Variants in CFAP206 observed in about 807,000 individuals in gnomAD.
CFAP206 encodes the protein cilia- and flagella-associated protein 206.
A neutral mutation model predicts 65.4 loss-of-function variants in CFAP206; 53 were observed. The ratio of observed to expected loss-of-function variants is 0.81; its 90% CI spans 0.65 to 1.02. The LOEUF is 1.02. Among genes scored for constraint, CFAP206 ranks in the 50% least tolerant of loss-of-function variants. CFAP206 has a pLI of 0.00. For missense variants in CFAP206, 663 were observed against 753.2 expected, an observed-to-expected ratio of 0.88 and a Z score of 1.40; for synonymous variants, 250 against 254.4, an observed-to-expected ratio of 0.98 and a Z score of 0.17.
At chr6:87,438,803 A>C (rs1562249093) in intron 11 of CFAP206, among the ~76,000 whole-genome samples, 1 of 152,130 alleles carries the variant, frequency 6.6e-6, no homozygotes, top group Non-Finnish European at 1.5e-5. Context: ...AAAGGATTCT[A>C]ATTTTATTTT....
In CFAP206 at chr6:87,428,687, G is replaced by T. The variant is rs768907065; in HGVS notation, c.1022G>T (p.Gly341Val). ...TTGCAAGACGAAACTATTGTGGTTG[G>T]TGTCCTCAGTAATTTATTCACTCAC... The part of the protein sequence containing the change: ...TSLQDETIVV[G>V]VLSNLFTHIQ... The change falls in exon 9 of 13, where the codon GGT (glycine) becomes GTT (valine). Residue 341 changes from glycine (G) to valine (V), a missense_variant. Gly to Val is a moderately radical substitution (Grantham distance 109). Transcript: ENST00000369562. The T allele has an allele frequency of 5.6e-6, 9 of 1,613,950 alleles. No homozygotes were observed. In the South Asian group the frequency reaches 9.9e-5, roughly 18 times the overall value.
rs1053653713 is a variant in CFAP206, at chr6:87,411,374, A to G, written c.192+706A>G. On this transcript the variant is annotated intron_variant, in intron 3 of 12. Transcript: ENST00000369562. ...ATTCATGGCCTTTGCCCACTTTATAATGGGGTTATTTGTTGTTGTCGAGTT... is the reference window on the plus strand; with the variant it reads ...ATTCATGGCCTTTGCCCACTTTATAGTGGGGTTATTTGTTGTTGTCGAGTT... Among the ~76,000 whole-genome samples, 4 of 152,082 alleles carry G rather than the reference A, an allele frequency of 2.6e-5. No individual in the cohort carries two copies. The South Asian group carries it at 8.3e-4, about 31-fold the overall frequency.
chr6:87,410,492 T>A (rs779366707), intron 2 of CFAP206, 93 bp from the exon 3 acceptor site: 5 of 979,198 alleles, frequency 5.1e-6, no homozygotes, highest in Non-Finnish European at 8.1e-6. Flanking sequence ...GGTAGTTGTT[T>A]AAAAAATGGA....
intron 11 of CFAP206, among the ~76,000 whole-genome samples, chr6:87,447,378 G>A (rs1408157255): frequency 1.3e-5 from 2 of 152,148 alleles, no homozygotes; most frequent in Non-Finnish European, 2.9e-5. Flanking sequence ...CTAGTTGATT[G>A]AGAGTTTTTA....
At position 87,415,682 on chromosome 6, in the gene CFAP206, T is replaced by C; in HGVS notation, c.284-4T>C. On this transcript the variant is annotated splice_region_variant and splice_polypyrimidine_tract_variant and intron_variant, in intron 4 of 12. Coordinates refer to ENST00000369562, the MANE Select transcript of CFAP206 (RefSeq NM_001031743.3). Reference sequence around the variant, plus strand: ...TATAGAACATTGTTATTTGGCAATTTTAGTGGAATTTCTCGAAGAACATCA... The same window carrying C: ...TATAGAACATTGTTATTTGGCAATTCTAGTGGAATTTCTCGAAGAACATCA... 1.3e-6 allele frequency: 2 copies of C among 1,599,810 alleles called. No homozygotes were observed. The highest frequency in any genetic ancestry group is 1.7e-6 in the Non-Finnish European group (2 of 1,173,738).
intron 11 of CFAP206, among the ~76,000 whole-genome samples, chr6:87,443,323 GTTTA>G (rs1487368454): frequency 1.3e-5 from 2 of 152,022 alleles, no homozygotes; most frequent in African/African-American, 4.8e-5. Context: ...TCCAGATATT[GTTTA>G]TTTGAGTCTT....
chr6:87,420,957 A>G (rs1437474754), intron 7 of CFAP206, among the ~76,000 whole-genome samples: 1 of 152,144 alleles, frequency 6.6e-6, no homozygotes, highest in Non-Finnish European at 1.5e-5. Context: ...GTCCTTCCCC[A>G]TCAGTCTTAG....
chr6:87,444,514 C>A, intron 11 of CFAP206: 1 of 254,612 alleles, frequency 3.9e-6, no homozygotes, highest in East Asian at 1.0e-4. Flanking sequence ...GCCACCATAA[C>A]TTCTGGACCC....
intron 6 of CFAP206, among the ~76,000 whole-genome samples, chr6:87,417,459 T>A (rs1319385548): frequency 1.3e-5 from 2 of 152,070 alleles, no homozygotes; most frequent in African/African-American, 4.8e-5. Context: ...AAAACTGTTC[T>A]AAAAAGTCAA....
At chr6:87,410,006 TC>T in intron 2 of CFAP206, 59 bp downstream of exon 2, 1 of 1,168,828 alleles carries the variant, frequency 8.6e-7, no homozygotes, top group Non-Finnish European at 1.3e-6. Flanking sequence ...AGATGTGGTG[TC>T]CATTTTCCCC....
intron 7 of CFAP206, chr6:87,425,683 C>T (rs1486332162): frequency 6.6e-6 from 1 of 152,138 alleles, no homozygotes; most frequent in Non-Finnish European, 1.5e-5. Context: ...TGTGTTTCTC[C>T]ATCTTTCAGT....
At chr6:87,416,983 T>G (rs535507395) in intron 6 of CFAP206, among the ~76,000 whole-genome samples, 156 bp downstream of exon 6, 1 of 152,334 alleles carries the variant, frequency 6.6e-6, no homozygotes, top group East Asian at 1.9e-4. Context: ...TTATAATGTG[T>G]AGTGATTTTT....
chr6:87,464,365 T>C lies in CFAP206; in HGVS notation c.*115T>C. 1 of 665,734 alleles carries C rather than the reference T, an allele frequency of 1.5e-6. No homozygotes were observed. Among genetic ancestry groups the C allele is most frequent in the Non-Finnish European group, 2.3e-6 (1 of 429,688 alleles). 41.2% of individuals were successfully genotyped at this position (665,734 alleles called of 1,614,324 possible). ...GTAGGGGTGGCACATTCATTGGTTG[T>C]GTGACTGTTTATTGGGTTCCCATAT... On this transcript the variant is annotated 3_prime_UTR_variant, in exon 13 of 13. Transcript: ENST00000369562.
chr6:87,420,340 G>T (rs1055767794), intron 7 of CFAP206, among the ~76,000 whole-genome samples: 2 of 152,226 alleles, frequency 1.3e-5, no homozygotes, highest in East Asian at 1.9e-4. Context: ...TGCAGAAGAT[G>T]TCATTCATTA....
At chr6:87,418,508 A>G in intron 7 of CFAP206, 92 bp downstream of exon 7, 1 of 1,019,318 alleles carries the variant, frequency 9.8e-7, no homozygotes, top group Non-Finnish European at 1.5e-6. Context: ...CTAATTAAGG[A>G]GAAAACCTCA....
chr6:87,448,525 C>A (rs755446355), intron 11 of CFAP206, among the ~76,000 whole-genome samples: 1 of 152,134 alleles, frequency 6.6e-6, no homozygotes, highest in Non-Finnish European at 1.5e-5. Flanking sequence ...AGAATCCTCT[C>A]CTCTGGCTAT....
Position 87,415,852 on chromosome 6 carries a change from C to G in CFAP206, c.450C>G (p.Ile150Met). Reference sequence around the variant, plus strand: ...CTGGCCTTGGATCCCCTACAGACATCAAGACTGTCAGAGAGGTAACAGGTA... The same window carrying G: ...CTGGCCTTGGATCCCCTACAGACATGAAGACTGTCAGAGAGGTAACAGGTA... ...LRSGLGSPTD[I>M]KTVREVTAAL... Residue 150 changes from isoleucine (I) to methionine (M), a missense_variant, in exon 5 of 13, where the codon ATC (isoleucine) becomes ATG (methionine). By Grantham distance (10) the Ile-to-Met change is conservative. Transcript: ENST00000369562. 1 of 1,588,174 alleles carries G rather than the reference C, an allele frequency of 6.3e-7. No homozygotes were observed. Among genetic ancestry groups the G allele is most frequent in the Non-Finnish European group, 8.6e-7 (1 of 1,168,898 alleles).
At chr6:87,417,992 C>T (rs1180262505) in intron 6 of CFAP206, among the ~76,000 whole-genome samples, 3 of 151,952 alleles carry the variant, frequency 2.0e-5, no homozygotes, top group Non-Finnish European at 4.4e-5. Flanking sequence ...CCCGCCTCGG[C>T]CTCCCAAAGT....
rs1359880903 is a variant in CFAP206 at position 87,415,782 on chromosome 6, T to G, written c.380T>G (p.Leu127Trp). Residue 127 changes from leucine to tryptophan, a missense_variant, in exon 5 of 13, where the codon TTG becomes TGG. Coordinates refer to ENST00000369562, the MANE Select transcript of CFAP206 (RefSeq NM_001031743.3). ...AACAGAGCATGTGCTAAAGAAGAAT[T>G]GGAAAGCCTCTACCGGAAGATTATC... ...TDNRACAKEE[L>W]ESLYRKIISY... 14 of 1,613,712 alleles carry G rather than the reference T, an allele frequency of 8.7e-6. No individual in the cohort carries two copies. The highest frequency in any genetic ancestry group is 1.1e-5 in the Non-Finnish European group (13 of 1,179,780).
Sources: gnomAD v4.1 joint callset for allele counts (sites outside exome capture counted in the v4.1 genomes callset) on GRCh38, gnomAD v4.1.1 for gene constraint, MANE v1.5 for transcripts, NCBI Gene and HGNC (gene_info 2026-07-23, HGNC 2026-07-21) for gene names.